The following IL1RAPL2 variants were observed in gnomAD, a reference collection of about 807,000 sequenced individuals.
The protein encoded by IL1RAPL2 is interleukin 1 receptor accessory protein like 2, also known as X-linked interleukin-1 receptor accessory protein-like 2.
Under a neutral mutation model 44.1 loss-of-function variants are expected in IL1RAPL2, and 3 were observed. The observed-to-expected ratio is 0.07, with a 90% confidence interval of 0.03 to 0.18. The LOEUF (loss-of-function observed/expected upper bound fraction) is 0.18, where lower values mean the gene tolerates loss of function less well. Ranked by LOEUF, IL1RAPL2 falls within the 10% of genes least tolerant of loss-of-function variation. The pLI, the probability that IL1RAPL2 is intolerant of heterozygous loss-of-function variation, is 1.00. For synonymous variants in IL1RAPL2, 181 were observed against 178.8 expected, an observed-to-expected ratio of 1.01 and a Z score of -0.10; for missense variants, 391 against 496.4, an observed-to-expected ratio of 0.79 and a Z score of 2.02.
chrX:105,283,466 C>T (rs1190928978), intron 5 of IL1RAPL2, among the ~76,000 whole-genome samples: 1 of 110,413 alleles, frequency 9.1e-6, no homozygotes, highest in East Asian at 2.8e-4. Context: ...ATGATGGTGG[C>T]TTGGGTCAGA....
intron 2 of IL1RAPL2, among the ~76,000 whole-genome samples, chrX:104,751,044 A>G (rs1354904219): frequency 9.0e-6 from 1 of 111,298 alleles, no homozygotes; most frequent in East Asian, 2.9e-4. Flanking sequence ...ATTTATTTGA[A>G]CACAAGCTAC....
At chrX:105,561,674 C>G (rs780616391) in intron 6 of IL1RAPL2, among the ~76,000 whole-genome samples, 58 of 111,994 alleles carry the variant, frequency 5.2e-4, no homozygotes, top group Non-Finnish European at 1.0e-3. Flanking sequence ...GCTGTTTCCT[C>G]TCACAATTAG....
At chrX:104,846,368 C>A (rs1602755593) in intron 2 of IL1RAPL2, among the ~76,000 whole-genome samples, 2 of 109,314 alleles carry the variant, frequency 1.8e-5, no homozygotes, top group Non-Finnish European at 3.8e-5. Context: ...CACGACAGGC[C>A]CCGGTGTGTG....
intron 6 of IL1RAPL2, among the ~76,000 whole-genome samples, chrX:105,534,459 AT>A (rs1247383524): frequency 5.4e-5 from 6 of 111,471 alleles, no homozygotes; most frequent in African/African-American, 2.0e-4. Context: ...CTATGATGTA[AT>A]TGTTACACAT....
intron 5 of IL1RAPL2, among the ~76,000 whole-genome samples, chrX:105,393,095 C>T (rs7056795): frequency 2.6e-4 from 29 of 111,825 alleles, no homozygotes; most frequent in Admixed American, 1.6e-3. Flanking sequence ...GCTGGCCACA[C>T]GGGAGAAGAA....
intron 6 of IL1RAPL2, among the ~76,000 whole-genome samples, chrX:105,679,686 A>G (rs2037906173): frequency 8.9e-6 from 1 of 111,989 alleles, no homozygotes; most frequent in South Asian, 3.7e-4. Flanking sequence ...TCAGGCCTAA[A>G]GGCTAGAGAT....
chrX:105,689,334 G>A (rs1190523071), intron 6 of IL1RAPL2, among the ~76,000 whole-genome samples: 1 of 111,622 alleles, frequency 9.0e-6, no homozygotes, highest in African/African-American at 3.3e-5. Context: ...CTGACAAAGG[G>A]CTAATATCCA....
At chrX:104,926,471 C>T (rs772159468) in intron 2 of IL1RAPL2, among the ~76,000 whole-genome samples, 9 of 111,614 alleles carry the variant, frequency 8.1e-5, no homozygotes, top group East Asian at 5.6e-4. Flanking sequence ...TGTATCATCA[C>T]GGTTATCAAA....
At chrX:105,046,838 G>GTTTTA (rs1172240541) in intron 2 of IL1RAPL2, among the ~76,000 whole-genome samples, 1 of 43,690 alleles carries the variant, frequency 2.3e-5, no homozygotes, top group South Asian at 7.9e-4. Flanking sequence ...TTTTTTTTTG[G>GTTTTA]GGGGGTGCTA....
In IL1RAPL2 at chrX:104,582,694, C is replaced by CTT. The variant is rs1443062378; in HGVS notation, c.-20+15644_-20+15645insTT. ...TTTCTTTCTCTTTCTTTCTTTCTTTCTCTCTCTCTCCTTTATTTCTTTCTT... is the reference window on the plus strand; with the variant it reads ...TTTCTTTCTCTTTCTTTCTTTCTTTCTTTCTCTCTCTCCTTTATTTCTTTCTT... On this transcript the variant is annotated intron_variant, in intron 1 of 10. Coordinates refer to ENST00000372582, the MANE Select transcript of IL1RAPL2 (RefSeq NM_017416.2). Among the ~76,000 whole-genome samples, 89 of 79,838 alleles carry CTT rather than the reference C, an allele frequency of 1.1e-3. 1 individual carries two copies. The highest frequency in any genetic ancestry group is 0.011 in the East Asian group (28 of 2,574). 69.3% of individuals were successfully genotyped at this position (79,838 alleles called of 115,157 possible). A position where few individuals can be genotyped will look rare whatever the true frequency, so the allele number is the denominator to read the frequency against.
intron 6 of IL1RAPL2, among the ~76,000 whole-genome samples, chrX:105,692,604 T>C (rs180953764): frequency 9.2e-6 from 1 of 108,836 alleles, no homozygotes; most frequent in East Asian, 2.9e-4. Context: ...CAAAGCAATA[T>C]TCAATAACAA....
chrX:105,740,372 G>A (rs1280684689), intron 7 of IL1RAPL2, among the ~76,000 whole-genome samples, 174 bp from the exon 8 acceptor site: 1 of 111,427 alleles, frequency 9.0e-6, no homozygotes, highest in Non-Finnish European at 1.9e-5. Context: ...TTCATGTCAA[G>A]AGCCACTTTT....
chrX:104,737,447 GA>G (rs780767092), intron 2 of IL1RAPL2, among the ~76,000 whole-genome samples: 5 of 111,897 alleles, frequency 4.5e-5, no homozygotes, highest in East Asian at 2.8e-4. Context: ...CAATAAATCT[GA>G]AAAAAAGGAG....
chrX:105,247,798 T>G (rs2147645166), intron 4 of IL1RAPL2, among the ~76,000 whole-genome samples: 1 of 110,494 alleles, frequency 9.1e-6, no homozygotes, highest in East Asian at 2.8e-4. Flanking sequence ...TGCTAACATT[T>G]TCTTCCTCTC....
chrX:105,512,859 T>C (rs183008599), intron 6 of IL1RAPL2, among the ~76,000 whole-genome samples: 4 of 110,953 alleles, frequency 3.6e-5, no homozygotes, highest in African/African-American at 1.3e-4. Context: ...CATGGTGGTT[T>C]GCTGCACACA....
At chrX:104,713,259 A>T (rs1421317886) in intron 2 of IL1RAPL2, among the ~76,000 whole-genome samples, 1 of 110,416 alleles carries the variant, frequency 9.1e-6, no homozygotes, top group African/African-American at 3.3e-5. Flanking sequence ...CTCCAAGGCC[A>T]CTTCCATTTC....
chrX:105,442,427 A>AGG (rs1190858084), intron 5 of IL1RAPL2, among the ~76,000 whole-genome samples: 1 of 111,393 alleles, frequency 9.0e-6, no homozygotes, highest in Non-Finnish European at 1.9e-5. Flanking sequence ...TCCTAGCTCT[A>AGG]GGCAAACAAA....
chrX:105,426,663 T>G (rs969862998), intron 5 of IL1RAPL2, among the ~76,000 whole-genome samples: 1 of 111,435 alleles, frequency 9.0e-6, no homozygotes, highest in African/African-American at 3.3e-5. Flanking sequence ...TTTTTTTTTC[T>G]TAACTCTGTA....
intron 2 of IL1RAPL2, among the ~76,000 whole-genome samples, chrX:104,936,459 A>T (rs1925029376): frequency 9.0e-6 from 1 of 110,941 alleles, no homozygotes; most frequent in Non-Finnish European, 1.9e-5. Context: ...CAGTGCTATA[A>T]AGCACACTTC....
Sources: gnomAD v4.1 joint callset for allele counts (sites outside exome capture counted in the v4.1 genomes callset) on GRCh38, gnomAD v4.1.1 for gene constraint, MANE v1.5 for transcripts, NCBI Gene and HGNC (gene_info 2026-07-23, HGNC 2026-07-21) for gene names.